The following TPRX1 variants were observed in gnomAD, a reference collection of about 807,000 sequenced individuals.
The protein encoded by TPRX1 is tetra-peptide repeat homeobox protein 1.
In TPRX1, 2 loss-of-function variants were observed where a neutral mutation model predicts 8.1. The ratio of observed to expected loss-of-function variants is 0.25; its 90% CI spans 0.10 to 0.78. TPRX1 has a LOEUF of 0.78. Among genes scored for constraint, TPRX1 ranks in the 30% least tolerant of loss-of-function variants. The pLI is 0.70. For missense variants in TPRX1, 517 were observed against 586.9 expected, an observed-to-expected ratio of 0.88 and a Z score of 1.23; for synonymous variants, 257 against 254.1, an observed-to-expected ratio of 1.01 and a Z score of -0.11.
exon 4 of TPRX1, chr19:47,802,698 C>A: frequency 6.3e-7 from 1 of 1,581,950 alleles, no homozygotes; most frequent in Non-Finnish European, 8.6e-7. Flanking sequence ...TGGGCTGGGC[C>A]TGGGATTGGG....
chr19:47,815,123 T>TATATATATATATATATATGCAA (rs1967821922), intron 2 of TPRX1, among the ~76,000 whole-genome samples: 4 of 93,810 alleles, frequency 4.3e-5, no homozygotes, highest in African/African-American at 1.6e-4. Flanking sequence ...ATTATATATA[T>TATATATATATATATATATGCAA]ATATATATAT....
At chr19:47,802,299 G>A (rs1355358999) in exon 4 of TPRX1, 2 of 1,319,854 alleles carry the variant, frequency 1.5e-6, no homozygotes, top group Non-Finnish European at 1.0e-6. Flanking sequence ...CCTGGGATCG[G>A]GCCTGGGTTC....
intron 2 of TPRX1, among the ~76,000 whole-genome samples, chr19:47,812,579 C>T (rs1967793646): frequency 6.6e-6 from 1 of 151,834 alleles, no homozygotes. Context: ...ACTAAAAGTA[C>T]AAAAAATTAG....
intron 2 of TPRX1, among the ~76,000 whole-genome samples, chr19:47,818,313 CCAT>C (rs1967865898): frequency 2.1e-5 from 1 of 46,832 alleles, no homozygotes; most frequent in Non-Finnish European, 3.9e-5. Flanking sequence ...CATCCATCAC[CCAT>C]CCATCCATCC....
intron 2 of TPRX1, among the ~76,000 whole-genome samples, chr19:47,812,291 C>T (rs1040537852): frequency 4.6e-5 from 7 of 152,056 alleles, no homozygotes; most frequent in Admixed American, 3.9e-4. Flanking sequence ...GGAAGGCAGG[C>T]GTTACTCAAA....
chr19:47,805,601 C>A (rs372599579), intron 2 of TPRX1, among the ~76,000 whole-genome samples: 1 of 152,120 alleles, frequency 6.6e-6, no homozygotes, highest in Non-Finnish European at 1.5e-5. Context: ...TTCAATAAAA[C>A]GTAGACATTG....
chr19:47,802,822 A>T (rs1359497273), exon 4 of TPRX1: 1 of 1,601,460 alleles, frequency 6.2e-7, no homozygotes, highest in African/African-American at 1.3e-5. Context: ...CCGCCGCTGG[A>T]AGGATTCCCG....
At chr19:47,807,512 G>A (rs1967745863) in intron 2 of TPRX1, among the ~76,000 whole-genome samples, 2 of 152,024 alleles carry the variant, frequency 1.3e-5, no homozygotes, top group Admixed American at 1.3e-4. Context: ...GGGATTACAG[G>A]TGTGTGTTAC....
In TPRX1 at chr19:47,817,569, G is replaced by A. The variant is rs975907222; in HGVS notation, c.151+899C>T. Reference sequence around the variant, plus strand: ...ATTTCCGAGGTCACACAGGTGATGAGTGGAAGAACCAGGGGTAGAATTTAA... The same window carrying A: ...ATTTCCGAGGTCACACAGGTGATGAATGGAAGAACCAGGGGTAGAATTTAA... On this transcript the variant is annotated intron_variant, in intron 2 of 3. Coordinates refer to ENST00000535759, the Ensembl canonical transcript of TPRX1. 5.9e-5 allele frequency among the ~76,000 whole-genome samples: 9 copies of A among 152,190 alleles called. No individual in the cohort carries two copies. The South Asian group carries it at 1.9e-3, about 32-fold the overall frequency.
intron 2 of TPRX1, among the ~76,000 whole-genome samples, chr19:47,805,141 GA>G (rs1967724220): frequency 5.3e-5 from 8 of 152,234 alleles, no homozygotes; most frequent in Admixed American, 3.9e-4. Flanking sequence ...TGGCCCTGCT[GA>G]TAATGGTTTG....
chr19:47,817,038 G>A (rs1332494763), intron 2 of TPRX1, among the ~76,000 whole-genome samples: 7 of 152,218 alleles, frequency 4.6e-5, no homozygotes, highest in Non-Finnish European at 7.3e-5. Context: ...CAGCCTGGGA[G>A]GCCCAAGGCT....
intron 2 of TPRX1, among the ~76,000 whole-genome samples, chr19:47,816,213 C>T (rs1001037778): frequency 2.6e-5 from 4 of 151,624 alleles, no homozygotes; most frequent in Admixed American, 2.0e-4. Context: ...GGATTATAGG[C>T]GCACACCACC....
chr19:47,812,676 G>C (rs1967794289), intron 2 of TPRX1, among the ~76,000 whole-genome samples: 1 of 151,544 alleles, frequency 6.6e-6, no homozygotes, highest in South Asian at 2.1e-4. Flanking sequence ...GGAGATTGCA[G>C]TGAGCCAAGA....
At chr19:47,816,120 A>G (rs1326765953) in intron 2 of TPRX1, among the ~76,000 whole-genome samples, 1 of 149,602 alleles carries the variant, frequency 6.7e-6, no homozygotes, top group Non-Finnish European at 1.5e-5. Context: ...GCTGGCATGC[A>G]GTGGTGTGGT....
At chr19:47,803,598 A>T in exon 3 of TPRX1, 1 of 1,306,094 alleles carries the variant, frequency 7.7e-7, no homozygotes, top group Non-Finnish European at 1.1e-6. Context: ...AAATTCTAGC[A>T]CTTTCTGCTG....
chr19:47,808,904 T>C lies in TPRX1; in HGVS notation c.152-5231A>G, dbSNP rs189666937. Among the ~76,000 whole-genome samples the C allele has an allele frequency of 3.2e-4, 49 of 152,334 alleles. 1 individual carries two copies. The East Asian group carries it at 7.1e-3, about 22-fold the overall frequency. ...CGCCCACAAATTAGAAGATGATTAA[T>C]TTGTGGCAGCCTCAGACTATGGAAT... On this transcript the variant is annotated intron_variant, in intron 2 of 3. Transcript: ENST00000535759.
exon 4 of TPRX1, chr19:47,802,629 G>C (rs931609998): frequency 6.4e-7 from 1 of 1,551,810 alleles, no homozygotes; most frequent in African/African-American, 1.4e-5. Context: ...ATCGGGCTTG[G>C]GATCTGAGCT....
chr19:47,813,001 G>A (rs563266319), intron 2 of TPRX1, among the ~76,000 whole-genome samples: 4 of 152,016 alleles, frequency 2.6e-5, no homozygotes, highest in Non-Finnish European at 5.9e-5. Context: ...TAGCTACTCA[G>A]GAGGTTGAAG....
At position 47,802,063 on chromosome 19, in the gene TPRX1, T is replaced by C. The variant is rs184210020; in HGVS notation, c.1239A>G (p.Ser413=). The stretch of plus-strand genomic sequence containing the variant: ...CTGGGCCTGGGATTGGAGCTGGGAC[T>C]GAGCCTGAGCCTGGGCCTGAGCCTG... Residue 413 remains serine (S), a synonymous_variant, in exon 4 of 4, where the codon TCA becomes TCG. Transcript: ENST00000535759. The C allele has an allele frequency of 1.2e-5, 20 of 1,600,332 alleles. No individual in the cohort carries two copies. The East Asian group carries it at 3.1e-4, about 25-fold the overall frequency.
Sources: allele counts gnomAD v4.1 joint callset (sites outside exome capture counted in the v4.1 genomes callset), GRCh38; gene constraint gnomAD v4.1.1; transcripts MANE v1.5; gene names NCBI Gene and HGNC (gene_info 2026-07-23, HGNC 2026-07-21).